Variants in CRHR1 observed in about 807,000 individuals in gnomAD.
The protein encoded by CRHR1 is corticotropin-releasing hormone receptor 1.
CRHR1 carries 28 observed loss-of-function variants against 56.0 expected under a neutral mutation model. The ratio of observed to expected loss-of-function variants is 0.50; its 90% CI spans 0.37 to 0.69. The LOEUF is 0.69. Among genes scored for constraint, CRHR1 ranks in the 30% least tolerant of loss-of-function variants. The pLI is 0.00. For synonymous variants in CRHR1, 195 were observed against 216.5 expected (o/e 0.90, Z 0.87); for missense variants, 376 against 548.0 (o/e 0.69, Z 3.13).
intron 1 of CRHR1, among the ~76,000 whole-genome samples, chr17:45,797,708 G>A (rs146295662): frequency 6.6e-6 from 1 of 152,272 alleles, no homozygotes; most frequent in East Asian, 1.9e-4. Context: ...TTCTCCCAAG[G>A]TCACACAGGT....
At chr17:45,804,593 G>A (rs1186386049) in intron 1 of CRHR1, among the ~76,000 whole-genome samples, 1 of 152,082 alleles carries the variant, frequency 6.6e-6, no homozygotes, top group Non-Finnish European at 1.5e-5. Context: ...GGTGAACATG[G>A]AAAAGGCAGG....
At chr17:45,833,687 C>T (rs750312845) in intron 10 of CRHR1, 27 bp from the exon 11 acceptor site, 35 of 1,592,808 alleles carry the variant, frequency 2.2e-5, no homozygotes, top group African/African-American at 8.0e-5. Context: ...GCTGTGACTC[C>T]GAGCCTCCCC....
At chr17:45,786,127 C>CCT (rs1555647177) in intron 1 of CRHR1, among the ~76,000 whole-genome samples, 1 of 145,570 alleles carries the variant, frequency 6.9e-6, no homozygotes, top group Non-Finnish European at 1.5e-5. Flanking sequence ...GTTTTCTTTT[C>CCT]TTTTTTTTTT....
intron 1 of CRHR1, among the ~76,000 whole-genome samples, chr17:45,806,171 C>T (rs540807943): frequency 2.5e-4 from 38 of 152,232 alleles, no homozygotes; most frequent in Admixed American, 1.9e-3. Context: ...GGGGGTAATG[C>T]GATGGTTGTG....
At chr17:45,812,744 GTCT>G (rs1009653524) in intron 2 of CRHR1, among the ~76,000 whole-genome samples, 4 of 152,168 alleles carry the variant, frequency 2.6e-5, no homozygotes, top group Admixed American at 2.0e-4. Flanking sequence ...CTTCCTTAGT[GTCT>G]TCTTCTCCAT....
At chr17:45,789,715 C>T (rs1355402501) in intron 1 of CRHR1, among the ~76,000 whole-genome samples, 1 of 152,180 alleles carries the variant, frequency 6.6e-6, no homozygotes, top group Non-Finnish European at 1.5e-5. Flanking sequence ...ACTTGTTGCT[C>T]TAGGCCAGCC....
Position 45,816,794 on chromosome 17 carries a change from G to A in CRHR1, c.241+212G>A, listed in dbSNP as rs141383814. 2.7e-3 allele frequency among the ~76,000 whole-genome samples: 417 copies of A among 152,308 alleles called. 3 individuals are homozygous for A. Among genetic ancestry groups the A allele is most frequent in the African/African-American group, 9.4e-3 (390 of 41,574 alleles). ...CAATACCCTTGCAAGACACTATCAC[G>A]CCTCCTATAACTAAGGCCCCTGGGG... On this transcript the variant is annotated intron_variant, in intron 3 of 12. Coordinates refer to ENST00000314537, the MANE Select transcript of CRHR1 (RefSeq NM_004382.5).
Position 45,835,014 on chromosome 17 carries a change from G to A in CRHR1, c.*250G>A. 3.6e-6 allele frequency: 2 copies of A among 553,914 alleles called. No individual in the cohort carries two copies. Among genetic ancestry groups the A allele is most frequent in the South Asian group, 5.3e-5 (2 of 37,970 alleles). The allele number at this position is 553,914 out of a possible 1,614,324, so 34.3% of individuals were successfully genotyped here. On this transcript the variant is annotated 3_prime_UTR_variant, in exon 13 of 13. Coordinates refer to ENST00000314537, the MANE Select transcript of CRHR1 (RefSeq NM_004382.5). The stretch of plus-strand genomic sequence containing the variant: ...CTGGCTTCCCTGCCCAATCCTCCCT[G>A]GAGAAGGGACATGGGAATGAATTGA...
At chr17:45,827,055 C>G (rs984893265) in intron 4 of CRHR1, 1 of 152,264 alleles carries the variant, frequency 6.6e-6, no homozygotes, top group Non-Finnish European at 1.5e-5. Flanking sequence ...GACCCAGGTT[C>G]CAGATACCGG....
At position 45,784,628 on chromosome 17, in the gene CRHR1, G is replaced by A. The variant is rs1249106646; in HGVS notation, c.33+51G>A. 2.6e-6 allele frequency: 4 copies of A among 1,520,160 alleles called. No individual in the cohort carries two copies. In the South Asian group the frequency reaches 4.9e-5, roughly 19 times the overall value. 94.2% of individuals were successfully genotyped at this position (1,520,160 alleles called of 1,614,324 possible). A position where few individuals can be genotyped will look rare whatever the true frequency, so the allele number is the denominator to read the frequency against. ...AGCGCTGGCGCCCCCGGCCCCTGGC[G>A]GACGCGGGACGGGGCTGGGCTGTGG... is the stretch of plus-strand genomic sequence containing the variant. On this transcript the variant is annotated intron_variant, in intron 1 of 12. Transcript: ENST00000314537. The surrounding 1 kb of genome is among the most constrained non-coding windows in gnomAD (Gnocchi z 4.2).
At chr17:45,818,528 T>C (rs1481036588) in intron 3 of CRHR1, among the ~76,000 whole-genome samples, 5 of 152,118 alleles carry the variant, frequency 3.3e-5, no homozygotes, top group African/African-American at 1.2e-4. Flanking sequence ...ACCTGCAGAA[T>C]GGGTGGGAGG....
chr17:45,829,789 A>G lies in CRHR1; in HGVS notation c.435-305A>G, dbSNP rs919940567. ...GACTGTCCATCCTGGAATGGCAGGGAGTAGAAGGCACCCCCAGGGGAAGCG... is the reference window on the plus strand; with the variant it reads ...GACTGTCCATCCTGGAATGGCAGGGGGTAGAAGGCACCCCCAGGGGAAGCG... On this transcript the variant is annotated intron_variant, in intron 5 of 12. Transcript: ENST00000314537. 5.4e-6 allele frequency: 5 copies of G among 925,074 alleles called. 1 individual carries two copies. The Admixed American group carries it at 1.2e-4, about 23-fold the overall frequency. 57.3% of individuals were successfully genotyped at this position (925,074 alleles called of 1,614,324 possible).
rs555826525 is a variant in CRHR1 at position 45,812,821 on chromosome 17, C to T, written c.122-3642C>T. ...TTGGCCTCCCACCTCCCTCCCTCTC[C>T]GCCTGTTTTCTCCTCCTCATTGTAG... On this transcript the variant is annotated intron_variant, in intron 2 of 12. Coordinates refer to ENST00000314537, the MANE Select transcript of CRHR1 (RefSeq NM_004382.5). Among the ~76,000 whole-genome samples, 12 of 152,338 alleles carry T rather than the reference C, an allele frequency of 7.9e-5. No individual in the cohort carries two copies. In the South Asian group the frequency reaches 1.0e-3, roughly 13 times the overall value.
chr17:45,810,004 G>C (rs2061790582), intron 2 of CRHR1, among the ~76,000 whole-genome samples: 1 of 152,226 alleles, frequency 6.6e-6, no homozygotes, highest in Non-Finnish European at 1.5e-5. Context: ...GCTAGGCCAG[G>C]CACGGTGGCT....
intron 10 of CRHR1, 21 bp from the exon 11 acceptor site, chr17:45,833,693 T>TGGGGGCC: frequency 1.3e-5 from 21 of 1,571,566 alleles, no homozygotes; most frequent in Non-Finnish European, 1.8e-5. Context: ...ACTCCGAGCC[T>TGGGGGCC]CCCCACCCGC....
intron 3 of CRHR1, 94 bp from the exon 4 acceptor site, chr17:45,821,261 A>G: frequency 8.8e-7 from 1 of 1,140,256 alleles, no homozygotes; most frequent in Middle Eastern, 2.3e-4. Flanking sequence ...TGTACTGGCC[A>G]TCTACAGATC....
intron 1 of CRHR1, among the ~76,000 whole-genome samples, chr17:45,791,627 A>G (rs1331779020): frequency 6.6e-6 from 1 of 151,934 alleles, no homozygotes; most frequent in Non-Finnish European, 1.5e-5. Context: ...ACCCATCCCT[A>G]TCCTGGTGCC....
intron 2 of CRHR1, among the ~76,000 whole-genome samples, chr17:45,813,102 G>C (rs1189858782): frequency 1.3e-5 from 2 of 152,224 alleles, no homozygotes; most frequent in Non-Finnish European, 2.9e-5. Flanking sequence ...GGCCCAGAGA[G>C]GGCAGGACCC....
Position 45,834,614 on chromosome 17 carries a change from G to T in CRHR1, c.1108-10G>T. ...AGGCTCAGATGTCGTGCTCCTCCCT[G>T]TGCCCACAGGTCCGTTCTGCCATCC... On this transcript the variant is annotated splice_polypyrimidine_tract_variant and intron_variant, in intron 12 of 12. Transcript: ENST00000314537. The T allele has an allele frequency of 6.2e-7, 1 of 1,605,206 alleles. No individual in the cohort carries two copies. The highest frequency in any genetic ancestry group is 8.5e-7 in the Non-Finnish European group (1 of 1,175,002).
Sources: allele counts gnomAD v4.1 joint callset (sites outside exome capture counted in the v4.1 genomes callset), GRCh38; gene constraint gnomAD v4.1.1; non-coding constraint Gnocchi (gnomAD v3.1); transcripts MANE v1.5; gene names NCBI Gene and HGNC (gene_info 2026-07-23, HGNC 2026-07-21).